Variants in SPOCK3 observed in about 807,000 individuals in gnomAD.
SPOCK3 encodes testican-3.
In SPOCK3, 30 loss-of-function variants were observed where a neutral mutation model predicts 56.6. The observed-to-expected ratio is 0.53, with a 90% CI of 0.40 to 0.72. The LOEUF is 0.72. Ranked by LOEUF, SPOCK3 falls within the 30% of genes least tolerant of loss-of-function variation. The pLI is 0.00. For synonymous variants in SPOCK3, 196 were observed against 183.3 expected, an observed-to-expected ratio of 1.07 and a Z score of -0.56; for missense variants, 527 against 530.0, an observed-to-expected ratio of 0.99 and a Z score of 0.06.
chr4:167,064,954 C>T (rs1276921757), intron 2 of SPOCK3, among the ~76,000 whole-genome samples: 5 of 144,012 alleles, frequency 3.5e-5, no homozygotes, highest in Non-Finnish European at 7.5e-5. Flanking sequence ...GTCATTACTG[C>T]TCACCAAATC....
At chr4:166,765,374 G>T (rs1737862417) in intron 7 of SPOCK3, among the ~76,000 whole-genome samples, 1 of 152,190 alleles carries the variant, frequency 6.6e-6, no homozygotes, top group Non-Finnish European at 1.5e-5. Flanking sequence ...TAAGACATAA[G>T]GAAGGGATCC....
chr4:166,861,536 G>A (rs1366748997), intron 6 of SPOCK3, among the ~76,000 whole-genome samples: 1 of 152,098 alleles, frequency 6.6e-6, no homozygotes, highest in Non-Finnish European at 1.5e-5. Flanking sequence ...AGAGTGCCTT[G>A]AGCAATACGT....
chr4:167,009,627 C>T (rs1163249982), intron 3 of SPOCK3, among the ~76,000 whole-genome samples: 2 of 151,548 alleles, frequency 1.3e-5, no homozygotes, highest in Non-Finnish European at 2.9e-5. Flanking sequence ...CCTCACAATA[C>T]CAAAAAAAAC....
chr4:166,921,509 G>A (rs1579654827), intron 4 of SPOCK3, among the ~76,000 whole-genome samples: 1 of 151,900 alleles, frequency 6.6e-6, no homozygotes. Flanking sequence ...TAGAGACAGG[G>A]GTTTCACCAT....
intron 6 of SPOCK3, among the ~76,000 whole-genome samples, chr4:166,795,225 A>C (rs1741802035): frequency 6.6e-6 from 1 of 152,114 alleles, no homozygotes; most frequent in East Asian, 1.9e-4. Flanking sequence ...CACATCTGGT[A>C]CTCCTAATTT....
intron 6 of SPOCK3, among the ~76,000 whole-genome samples, chr4:166,822,346 C>T (rs1394870291): frequency 6.6e-6 from 1 of 152,046 alleles, no homozygotes; most frequent in East Asian, 1.9e-4. Context: ...ATTTGTCACA[C>T]AGAGTCATTA....
chr4:167,083,625 C>G (rs547790045), intron 2 of SPOCK3, among the ~76,000 whole-genome samples: 3 of 152,210 alleles, frequency 2.0e-5, no homozygotes, highest in South Asian at 4.1e-4. Flanking sequence ...TAATTGTCTA[C>G]TTGAAATGCT....
chr4:166,927,224 C>T (rs556685406), intron 4 of SPOCK3, among the ~76,000 whole-genome samples: 32 of 152,260 alleles, frequency 2.1e-4, no homozygotes, highest in African/African-American at 7.7e-4. Context: ...ACCCAAATCT[C>T]CTCTTGAATT....
chr4:166,900,697 C>T (rs10022395), intron 5 of SPOCK3, among the ~76,000 whole-genome samples: 16,296 of 152,106 alleles, frequency 0.11, 918 homozygotes, highest in African/African-American at 0.13. Context: ...AGGCCATAGT[C>T]GAAAACATAA....
At chr4:166,992,680 T>C (rs1747924947) in intron 4 of SPOCK3, among the ~76,000 whole-genome samples, 1 of 152,088 alleles carries the variant, frequency 6.6e-6, no homozygotes, top group Admixed American at 6.6e-5. Context: ...TTAAGAGATA[T>C]TAAGGTCCAT....
intron 4 of SPOCK3, among the ~76,000 whole-genome samples, chr4:166,917,452 T>C (rs1459920527): frequency 6.6e-6 from 1 of 152,160 alleles, no homozygotes; most frequent in East Asian, 1.9e-4. Flanking sequence ...GTAAAAAACC[T>C]AAGCTGGCTG....
intron 6 of SPOCK3, among the ~76,000 whole-genome samples, chr4:166,804,068 G>T (rs1341413076): frequency 1.3e-5 from 2 of 152,114 alleles, no homozygotes; most frequent in Admixed American, 6.6e-5. Flanking sequence ...TGGCAAAGGG[G>T]TGAATGCAGC....
At chr4:167,231,527 T>G (rs978779231) in intron 2 of SPOCK3, among the ~76,000 whole-genome samples, 2 of 152,148 alleles carry the variant, frequency 1.3e-5, no homozygotes, top group African/African-American at 4.8e-5. Flanking sequence ...TGAATGCTCA[T>G]GCAGAACATT....
chr4:167,131,131 C>T (rs1232051999), intron 2 of SPOCK3, among the ~76,000 whole-genome samples: 1 of 151,880 alleles, frequency 6.6e-6, no homozygotes, highest in Non-Finnish European at 1.5e-5. Flanking sequence ...GAGACATGAA[C>T]AAGATCTCAT....
intron 2 of SPOCK3, among the ~76,000 whole-genome samples, chr4:167,082,779 G>A (rs779006191): frequency 9.1e-5 from 13 of 142,748 alleles, no homozygotes; most frequent in Non-Finnish European, 1.7e-4. Flanking sequence ...AGGGAGGGAG[G>A]GAAGGGAAGG....
intron 2 of SPOCK3, among the ~76,000 whole-genome samples, chr4:167,156,368 C>T (rs943714795): frequency 2.0e-5 from 3 of 152,154 alleles, no homozygotes; most frequent in Non-Finnish European, 2.9e-5. Context: ...AGAACGCTTC[C>T]AGATCACCTC....
intron 2 of SPOCK3, among the ~76,000 whole-genome samples, chr4:167,111,485 A>G (rs1373155831): frequency 6.6e-6 from 1 of 152,168 alleles, no homozygotes; most frequent in Non-Finnish European, 1.5e-5. Flanking sequence ...ATTATTCTAC[A>G]TAATACTTGC....
At chr4:167,045,838 A>G (rs772499881) in intron 3 of SPOCK3, among the ~76,000 whole-genome samples, 22 of 152,158 alleles carry the variant, frequency 1.4e-4, no homozygotes, top group Non-Finnish European at 2.9e-4. Context: ...ACTACAATCT[A>G]TTAAATAAAC....
At chr4:167,000,912 TG>T (rs1434993568) in intron 3 of SPOCK3, among the ~76,000 whole-genome samples, 1 of 152,190 alleles carries the variant, frequency 6.6e-6, no homozygotes, top group Non-Finnish European at 1.5e-5. Context: ...TGGACATTAA[TG>T]GATATCTTTG....
Sources: allele counts gnomAD v4.1 joint callset (sites outside exome capture counted in the v4.1 genomes callset), GRCh38; gene constraint gnomAD v4.1.1; transcripts MANE v1.5; gene names NCBI Gene and HGNC (gene_info 2026-07-23, HGNC 2026-07-21).